Variants in FHIP1A observed in about 807,000 individuals in gnomAD.
The protein encoded by FHIP1A is FHF complex subunit HOOK interacting protein 1A.
In FHIP1A, 61 loss-of-function variants were observed where a neutral mutation model predicts 88.6. That is an observed-to-expected ratio of 0.69 (90% CI 0.56 to 0.85). The LOEUF is 0.85. Among genes scored for constraint, FHIP1A ranks in the 40% least tolerant of loss-of-function variants. FHIP1A has a pLI of 0.00. For missense variants in FHIP1A, 1,154 were observed against 1,273.5 expected, an observed-to-expected ratio of 0.91 and a Z score of 1.43; for synonymous variants, 478 against 496.0, an observed-to-expected ratio of 0.96 and a Z score of 0.48.
intron 8 of FHIP1A, among the ~76,000 whole-genome samples, chr4:151,634,667 C>T (rs1736280645): frequency 6.6e-6 from 1 of 151,722 alleles, no homozygotes; most frequent in Non-Finnish European, 1.5e-5. Context: ...ACGGTTTCAT[C>T]AACAAATGGT....
chr4:151,580,008 TTG>T (rs1330549794), intron 5 of FHIP1A, among the ~76,000 whole-genome samples: 32 of 152,206 alleles, frequency 2.1e-4, no homozygotes, highest in African/African-American at 7.7e-4. Context: ...AATACTGTTA[TTG>T]TACCTAAGAA....
chr4:151,602,627 A>C (rs1578804869), intron 7 of FHIP1A, among the ~76,000 whole-genome samples: 1 of 152,284 alleles, frequency 6.6e-6, no homozygotes, highest in African/African-American at 2.4e-5. Flanking sequence ...TGTCCAAAAG[A>C]GGTGAGGGAC....
At chr4:151,495,311 T>C (rs935486511) in intron 3 of FHIP1A, among the ~76,000 whole-genome samples, 2 of 152,112 alleles carry the variant, frequency 1.3e-5, no homozygotes, top group African/African-American at 4.8e-5. Context: ...GAGACCAGCC[T>C]GGCCAACATG....
rs115159655 is a variant in FHIP1A, at chr4:151,656,523, C to G, written c.2730+113C>G. ...AAATTCCTTTGCTCTAATTCATTTG[C>G]TTTCCTTCCCTGTCCTATTAAGCTC... On this transcript the variant is annotated intron_variant, in intron 12 of 13. Transcript: ENST00000435205. The surrounding 1 kb of genome is among the most constrained non-coding windows in gnomAD (Gnocchi z 4.2). 6.6e-4 allele frequency: 750 copies of G among 1,133,382 alleles called. 6 individuals are homozygous for G. In the African/African-American group the frequency reaches 0.011, roughly 16 times the overall value. The allele number at this position is 1,133,382 out of a possible 1,614,324, so 70.2% of individuals were successfully genotyped here.
intron 3 of FHIP1A, among the ~76,000 whole-genome samples, chr4:151,492,334 G>A (rs12502212): frequency 0.11 from 17,017 of 152,098 alleles, 996 homozygotes; most frequent in African/African-American, 0.13. Context: ...TTACATTCCT[G>A]TAATCCCAGC....
At chr4:151,657,974 G>C (rs1044175848) in intron 13 of FHIP1A, among the ~76,000 whole-genome samples, 1 of 152,222 alleles carries the variant, frequency 6.6e-6, no homozygotes, top group African/African-American at 2.4e-5. Flanking sequence ...GCTGAAGCCA[G>C]AACTTGGGTT....
At chr4:151,446,581 CTTTTTTTTTTTT>C (rs35115788) in intron 1 of FHIP1A, among the ~76,000 whole-genome samples, 3 of 109,984 alleles carry the variant, frequency 2.7e-5, no homozygotes, top group East Asian at 5.3e-4. Context: ...TGTTCTTTTT[CTTTTTTTTTTTT>C]TTTTTTTGGT....
At chr4:151,476,255 C>G (rs1298417405) in intron 2 of FHIP1A, among the ~76,000 whole-genome samples, 1 of 151,322 alleles carries the variant, frequency 6.6e-6, no homozygotes, top group South Asian at 2.1e-4. Context: ...AATGCTCCCA[C>G]CTCAGCCTCC....
intron 7 of FHIP1A, among the ~76,000 whole-genome samples, chr4:151,601,121 A>G (rs954003736): frequency 2.0e-5 from 3 of 152,214 alleles, no homozygotes; most frequent in Admixed American, 6.5e-5. Context: ...CATGAACTTC[A>G]GTCATGGGTT....
At chr4:151,499,869 T>C (rs1730588709) in intron 3 of FHIP1A, among the ~76,000 whole-genome samples, 1 of 152,150 alleles carries the variant, frequency 6.6e-6, no homozygotes, top group Non-Finnish European at 1.5e-5. Flanking sequence ...CGTGATGAAA[T>C]TACCTTTCAC....
chr4:151,536,707 T>C (rs1732082841), intron 3 of FHIP1A, among the ~76,000 whole-genome samples: 1 of 152,220 alleles, frequency 6.6e-6, no homozygotes, highest in South Asian at 2.1e-4. Context: ...ATCATTTACC[T>C]ATTGAAGGAT....
At chr4:151,563,046 A>T (rs1733235299) in intron 3 of FHIP1A, among the ~76,000 whole-genome samples, 1 of 152,066 alleles carries the variant, frequency 6.6e-6, no homozygotes, top group Non-Finnish European at 1.5e-5. Flanking sequence ...TTGGCCAGTT[A>T]TCCCTGTCTC....
chr4:151,554,535 G>T (rs1399452572), intron 3 of FHIP1A, among the ~76,000 whole-genome samples: 1 of 152,140 alleles, frequency 6.6e-6, no homozygotes, highest in African/African-American at 2.4e-5. Context: ...ATATTAATAG[G>T]CAGGTTTAAG....
chr4:151,530,322 C>T (rs568835306), intron 3 of FHIP1A, among the ~76,000 whole-genome samples: 5 of 152,042 alleles, frequency 3.3e-5, no homozygotes, highest in Admixed American at 6.6e-5. Flanking sequence ...CATGGAGGCC[C>T]GAGACCAGGG....
chr4:151,506,703 T>A (rs1422505141), intron 3 of FHIP1A, among the ~76,000 whole-genome samples: 1 of 152,086 alleles, frequency 6.6e-6, no homozygotes, highest in Non-Finnish European at 1.5e-5. Flanking sequence ...TCATCAAGGA[T>A]CCACCCTCAT....
chr4:151,611,008 T>A (rs999065369), intron 7 of FHIP1A, among the ~76,000 whole-genome samples: 3 of 152,184 alleles, frequency 2.0e-5, no homozygotes, highest in Admixed American at 1.3e-4. Flanking sequence ...ATGTAATAGG[T>A]ATTATGACAT....
At chr4:151,652,592 G>T (rs1156407667) in intron 11 of FHIP1A, among the ~76,000 whole-genome samples, 7 of 152,230 alleles carry the variant, frequency 4.6e-5, no homozygotes, top group Non-Finnish European at 1.0e-4. Context: ...TTTTAGAGGA[G>T]ACCCCAACAA....
At position 151,663,935 on chromosome 4, in the gene FHIP1A, C is replaced by T. The variant is rs1253984639; in HGVS notation, c.*1181C>T. On this transcript the variant is annotated 3_prime_UTR_variant, in exon 14 of 14. Coordinates refer to ENST00000435205, the MANE Select transcript of FHIP1A (RefSeq NM_001109977.3). ...GGCCCCAACGTGCTGTATGAGCGTC[C>T]CTCTGCTGCTTTGCAGCCTGCTCCA... Among the ~76,000 whole-genome samples the T allele has an allele frequency of 6.6e-6, 1 of 152,086 alleles. No homozygotes were observed. Among genetic ancestry groups the T allele is most frequent in the Non-Finnish European group, 1.5e-5 (1 of 68,030 alleles).
At chr4:151,453,363 T>C (rs1000420045) in intron 1 of FHIP1A, among the ~76,000 whole-genome samples, 1 of 152,168 alleles carries the variant, frequency 6.6e-6, no homozygotes, top group African/African-American at 2.4e-5. Context: ...CATTTTTCCA[T>C]ACCATTAAAT....
Sources: gnomAD v4.1 joint callset for allele counts (sites outside exome capture counted in the v4.1 genomes callset) on GRCh38, gnomAD v4.1.1 for gene constraint, Gnocchi (gnomAD v3.1) non-coding constraint, MANE v1.5 for transcripts, NCBI Gene and HGNC (gene_info 2026-07-23, HGNC 2026-07-21) for gene names.